The following RBFOX1 variants were observed in gnomAD, a reference collection of about 807,000 sequenced individuals.
RBFOX1 encodes the protein RNA binding protein fox-1 homolog 1.
Under a neutral mutation model 57.7 loss-of-function variants are expected in RBFOX1, and 8 were observed. The observed-to-expected ratio is 0.14, with a 90% CI of 0.08 to 0.25. The LOEUF (loss-of-function observed/expected upper bound fraction) is 0.25. Among genes scored for constraint, RBFOX1 ranks in the 10% least tolerant of loss-of-function variants. The pLI, the probability that RBFOX1 is intolerant of heterozygous loss-of-function variation, is 1.00. For missense variants in RBFOX1, 611 were observed against 548.5 expected, an observed-to-expected ratio of 1.11 and a Z score of -1.14; for synonymous variants, 326 against 222.4, an observed-to-expected ratio of 1.47 and a Z score of -4.15.
chr16:7,351,337 C>T (rs1005534699), intron 4 of RBFOX1, among the ~76,000 whole-genome samples: 1 of 152,246 alleles, frequency 6.6e-6, no homozygotes, highest in Non-Finnish European at 1.5e-5. Flanking sequence ...CTGGTTAGTT[C>T]ATTCCTTTGA....
chr16:6,468,324 A>C (rs969521322), intron 2 of RBFOX1, among the ~76,000 whole-genome samples: 1 of 152,188 alleles, frequency 6.6e-6, no homozygotes, highest in Non-Finnish European at 1.5e-5. Context: ...GCAAGGCTAC[A>C]TTCATCATAG....
intron 2 of RBFOX1, among the ~76,000 whole-genome samples, chr16:6,343,133 A>G (rs796096771): frequency 3.3e-5 from 5 of 152,264 alleles, no homozygotes; most frequent in African/African-American, 1.2e-4. Flanking sequence ...TTTATTTCTT[A>G]TACCCCTCTT....
chr16:7,313,059 C>A (rs2096355094), intron 4 of RBFOX1, among the ~76,000 whole-genome samples: 1 of 152,100 alleles, frequency 6.6e-6, no homozygotes, highest in Non-Finnish European at 1.5e-5. Context: ...TGCTGCTCTT[C>A]CTTCTGAAGC....
rs1231975938 is a variant in RBFOX1 at position 5,841,022 on chromosome 16, C to A, written c.319-26281C>A. On this transcript the variant is annotated intron_variant, in intron 3 of 19. Transcript: ENST00000641259. ...CAGAATGTGGAGAAATTACCTTGTGCTGCAGATAACGTCTCAGGCAGGTTA... is the reference window on the plus strand; with the variant it reads ...CAGAATGTGGAGAAATTACCTTGTGATGCAGATAACGTCTCAGGCAGGTTA... Among the ~76,000 whole-genome samples the A allele has an allele frequency of 2.6e-5, 4 of 152,170 alleles. 1 individual carries two copies. In the South Asian group the frequency reaches 8.3e-4, roughly 32 times the overall value.
At chr16:7,128,048 G>A (rs542781073) in intron 4 of RBFOX1, among the ~76,000 whole-genome samples, 14 of 152,094 alleles carry the variant, frequency 9.2e-5, no homozygotes, top group Admixed American at 1.3e-4. Context: ...TCTTGACATC[G>A]TCCTCTGGCA....
chr16:7,211,391 C>CA (rs57333413), intron 4 of RBFOX1, among the ~76,000 whole-genome samples: 5,126 of 83,702 alleles, frequency 0.061, 338 homozygotes, highest in African/African-American at 0.14. Flanking sequence ...GACTGCCTCT[C>CA]AAAAAAAAAA....
At chr16:6,022,398 T>C (rs903375918) in intron 1 of RBFOX1, among the ~76,000 whole-genome samples, 1 of 152,192 alleles carries the variant, frequency 6.6e-6, no homozygotes, top group Non-Finnish European at 1.5e-5. Flanking sequence ...TAAAATTTTG[T>C]GGCCAGGTGC....
At chr16:6,970,172 TG>T (rs1200652731) in intron 3 of RBFOX1, among the ~76,000 whole-genome samples, 1 of 150,798 alleles carries the variant, frequency 6.6e-6, no homozygotes, top group East Asian at 2.0e-4. Context: ...AACAAGACTC[TG>T]GGGGGAAAAA....
intron 4 of RBFOX1, among the ~76,000 whole-genome samples, chr16:7,471,069 A>C (rs942951865): frequency 6.6e-6 from 1 of 152,216 alleles, no homozygotes. Flanking sequence ...AAGGAATAAA[A>C]TGAAAATGTT....
chr16:6,932,930 A>C (rs545798013), intron 3 of RBFOX1, among the ~76,000 whole-genome samples: 1 of 152,042 alleles, frequency 6.6e-6, no homozygotes, highest in Non-Finnish European at 1.5e-5. Context: ...GGCAACTACT[A>C]TTCTCCTTTC....
intron 3 of RBFOX1, among the ~76,000 whole-genome samples, chr16:6,657,520 C>G (rs945404221): frequency 6.6e-6 from 1 of 152,066 alleles, no homozygotes; most frequent in Non-Finnish European, 1.5e-5. Context: ...AGAGTGATTG[C>G]CGTCAGGTTC....
chr16:6,680,406 G>C (rs974976533), intron 3 of RBFOX1, among the ~76,000 whole-genome samples: 14 of 151,544 alleles, frequency 9.2e-5, no homozygotes, highest in African/African-American at 3.2e-4. Context: ...GGGACTACAG[G>C]CACCTGCCAC....
chr16:6,616,646 G>A (rs906777443), intron 2 of RBFOX1, among the ~76,000 whole-genome samples: 1 of 152,222 alleles, frequency 6.6e-6, no homozygotes, highest in African/African-American at 2.4e-5. Context: ...CTGCACTCCA[G>A]CCTGGGCGAC....
chr16:6,585,148 A>C (rs2097589551), intron 2 of RBFOX1, among the ~76,000 whole-genome samples: 1 of 152,208 alleles, frequency 6.6e-6, no homozygotes, highest in African/African-American at 2.4e-5. Flanking sequence ...TGCAAAGAAA[A>C]AAATTATTCC....
At position 7,606,889 on chromosome 16, in the gene RBFOX1, C is replaced by G. The variant is rs185421281; in HGVS notation, c.623-396C>G. Among the ~76,000 whole-genome samples the G allele has an allele frequency of 2.6e-3, 403 of 152,218 alleles. 5 individuals carry two copies. Among genetic ancestry groups the G allele is most frequent in the Non-Finnish European group, 2.7e-3 (185 of 68,018 alleles). On this transcript the variant is annotated intron_variant, in intron 9 of 15. Transcript: ENST00000550418. ...ATTGCTGCCAAGAATTTTGTTTATG[C>G]AAGCTTTCTAATTTTTGTGAACTTA... is the stretch of plus-strand genomic sequence containing the variant.
At position 5,983,878 on chromosome 16, in the gene RBFOX1, C is replaced by G. The variant is rs964662390; in HGVS notation, c.351+116543C>G. Among the ~76,000 whole-genome samples the G allele has an allele frequency of 2.0e-5, 3 of 147,452 alleles. No homozygotes were observed. In the South Asian group the frequency reaches 6.7e-4, roughly 33 times the overall value. ...GCCTTCCTTCTTTCCTCCTCCTCCT[C>G]CTTCCCTACCCCTCCTCGTTCTCCT... On this transcript the variant is annotated intron_variant, in intron 4 of 19. Coordinates refer to the RBFOX1 transcript ENST00000641259.
chr16:5,929,905 G>C (rs990137100), intron 4 of RBFOX1, among the ~76,000 whole-genome samples: 8 of 150,956 alleles, frequency 5.3e-5, no homozygotes, highest in African/African-American at 2.0e-4. Context: ...TAATGAGGGT[G>C]GGGAGGGTGG....
intron 3 of RBFOX1, among the ~76,000 whole-genome samples, chr16:5,648,655 T>C (rs1226277048): frequency 1.3e-5 from 2 of 152,030 alleles, no homozygotes; most frequent in Non-Finnish European, 2.9e-5. Context: ...GAAACTCTGA[T>C]CTAGAAGGAG....
chr16:7,024,878 A>T (rs2040422656), intron 3 of RBFOX1, among the ~76,000 whole-genome samples: 1 of 152,156 alleles, frequency 6.6e-6, no homozygotes, highest in Non-Finnish European at 1.5e-5. Flanking sequence ...CTACAGATGG[A>T]AGGGCCTTAG....
Sources: allele counts gnomAD v4.1 joint callset (sites outside exome capture counted in the v4.1 genomes callset), GRCh38; gene constraint gnomAD v4.1.1; transcripts MANE v1.5; gene names NCBI Gene and HGNC (gene_info 2026-07-23, HGNC 2026-07-21).